Variants in NFIA observed in about 807,000 individuals in gnomAD.
NFIA encodes the protein nuclear factor I A, also known as nuclear factor 1 A-type.
Under a neutral mutation model 62.8 loss-of-function variants are expected in NFIA, and 8 were observed. The ratio of observed to expected loss-of-function variants is 0.13; its 90% CI spans 0.07 to 0.23. NFIA has a LOEUF of 0.23. NFIA is among the 10% of genes least tolerant of loss of function. NFIA has a pLI of 1.00. For missense variants in NFIA, 410 were observed against 642.1 expected (o/e 0.64, Z 3.91); for synonymous variants, 235 against 238.1 (o/e 0.99, Z 0.12).
intron 2 of NFIA, among the ~76,000 whole-genome samples, chr1:61,093,826 T>C (rs1479642786): frequency 6.6e-6 from 1 of 152,218 alleles, no homozygotes. Context: ...GGATTTTCCT[T>C]GTCTTCTTTT....
At chr1:61,175,390 C>T (rs921086159) in intron 2 of NFIA, among the ~76,000 whole-genome samples, 1 of 152,282 alleles carries the variant, frequency 6.6e-6, no homozygotes, top group Admixed American at 6.5e-5. Flanking sequence ...GATCCACCTG[C>T]CTTGGCTTCC....
intron 2 of NFIA, among the ~76,000 whole-genome samples, chr1:61,149,451 G>C (rs923051554): frequency 8.5e-5 from 13 of 152,268 alleles, no homozygotes; most frequent in Admixed American, 2.6e-4. Flanking sequence ...TTGCTTTAGT[G>C]ATATAAGATT....
At chr1:61,151,501 TGAG>T (rs961336064) in intron 2 of NFIA, among the ~76,000 whole-genome samples, 15 of 152,138 alleles carry the variant, frequency 9.9e-5, no homozygotes, top group African/African-American at 3.6e-4. Context: ...AGGGGCTGGT[TGAG>T]GAGGTCAGAG....
intron 9 of NFIA, among the ~76,000 whole-genome samples, chr1:61,423,357 T>C (rs1406366272): frequency 6.6e-6 from 1 of 152,184 alleles, no homozygotes; most frequent in African/African-American, 2.4e-5. Context: ...GGTAGCCAAG[T>C]TGGTTTCCCT....
chr1:61,323,874 A>G (rs1260159069), intron 3 of NFIA, among the ~76,000 whole-genome samples: 1 of 152,192 alleles, frequency 6.6e-6, no homozygotes, highest in African/African-American at 2.4e-5. Context: ...CCTGTGGACA[A>G]TGTGAGATAA....
At chr1:61,428,362 G>A (rs1453841203) in intron 10 of NFIA, among the ~76,000 whole-genome samples, 1 of 148,714 alleles carries the variant, frequency 6.7e-6, no homozygotes, top group Non-Finnish European at 1.5e-5. Context: ...TGTAGGCCCA[G>A]TATTGGCATC....
At chr1:61,123,357 AT>A (rs1646919300) in intron 2 of NFIA, among the ~76,000 whole-genome samples, 2 of 152,176 alleles carry the variant, frequency 1.3e-5, no homozygotes, top group Non-Finnish European at 2.9e-5. Context: ...TCGTTTGTAT[AT>A]TTTGTATTGA....
intron 3 of NFIA, among the ~76,000 whole-genome samples, chr1:61,312,514 T>G (rs1163551552): frequency 2.1e-5 from 3 of 140,426 alleles, no homozygotes; most frequent in Non-Finnish European, 4.6e-5. Context: ...AAATTAAGAC[T>G]TTTTTTTTTT....
intron 2 of NFIA, among the ~76,000 whole-genome samples, chr1:61,274,264 G>C (rs1371428562): frequency 6.6e-6 from 1 of 152,050 alleles, no homozygotes; most frequent in African/African-American, 2.4e-5. Context: ...GTCTATTTTA[G>C]GTTTAAATTT....
At chr1:61,322,529 T>G (rs1660727911) in intron 3 of NFIA, among the ~76,000 whole-genome samples, 1 of 152,020 alleles carries the variant, frequency 6.6e-6, no homozygotes. Flanking sequence ...GAGACAATGT[T>G]CAGGGCAAGA....
chr1:61,359,309 A>T lies in NFIA; in HGVS notation c.946+35A>T, dbSNP rs369239564. On this transcript the variant is annotated intron_variant, in intron 6 of 10. Coordinates refer to ENST00000403491, the MANE Select transcript of NFIA (RefSeq NM_001134673.4). ...GTGGCGGCACGGGCATGTGGCTAAC[A>T]CTGTGAAACTGAAAATACGTGTGGG... is the stretch of plus-strand genomic sequence containing the variant. 414 of 1,611,482 alleles carry T rather than the reference A, an allele frequency of 2.6e-4. 2 individuals carry two copies. Among genetic ancestry groups the T allele is most frequent in the Middle Eastern group, 2.0e-3 (9 of 4,454 alleles).
chr1:61,142,665 T>C (rs1557594687), intron 2 of NFIA, among the ~76,000 whole-genome samples: 1 of 152,348 alleles, frequency 6.6e-6, no homozygotes, highest in East Asian at 1.9e-4. Flanking sequence ...ATTTTAGTTT[T>C]CTTAACGGTA....
At chr1:61,433,309 C>T (rs942134734) in intron 10 of NFIA, among the ~76,000 whole-genome samples, 7 of 152,192 alleles carry the variant, frequency 4.6e-5, no homozygotes, top group African/African-American at 1.7e-4. Context: ...TGATATTAGT[C>T]TGCATCTGTG....
chr1:61,437,205 C>T (rs1247476352), intron 10 of NFIA, among the ~76,000 whole-genome samples: 1 of 152,144 alleles, frequency 6.6e-6, no homozygotes, highest in African/African-American at 2.4e-5. Context: ...GGCCAGCCCT[C>T]ATGACATACA....
At chr1:61,270,490 G>A (rs1483468118) in intron 2 of NFIA, among the ~76,000 whole-genome samples, 2 of 152,140 alleles carry the variant, frequency 1.3e-5, no homozygotes, top group East Asian at 3.8e-4. Context: ...ATAAAAGTTT[G>A]TGCAGACATC....
chr1:61,359,642 A>G (rs749907195), intron 6 of NFIA, among the ~76,000 whole-genome samples: 4 of 152,076 alleles, frequency 2.6e-5, no homozygotes, highest in Non-Finnish European at 5.9e-5. Flanking sequence ...GTACAGTGGC[A>G]TGATCTTGGC....
chr1:61,087,726 G>A (rs543845919), intron 1 of NFIA, among the ~76,000 whole-genome samples: 45 of 152,214 alleles, frequency 3.0e-4, no homozygotes, highest in African/African-American at 1.1e-3. Context: ...CCAATCTGGC[G>A]GCTGGGCCCT....
intron 6 of NFIA, among the ~76,000 whole-genome samples, chr1:61,362,865 A>G (rs774979929): frequency 9.9e-5 from 15 of 152,244 alleles, no homozygotes; most frequent in Non-Finnish European, 1.3e-4. Flanking sequence ...ATGAAATTCT[A>G]TCAAGCACAA....
intron 2 of NFIA, among the ~76,000 whole-genome samples, chr1:61,180,888 C>T (rs1010887499): frequency 6.6e-6 from 1 of 152,180 alleles, no homozygotes; most frequent in African/African-American, 2.4e-5. Flanking sequence ...CACTATAGTA[C>T]AGGATTTAGA....
Sources: allele counts gnomAD v4.1 joint callset (sites outside exome capture counted in the v4.1 genomes callset), GRCh38; gene constraint gnomAD v4.1.1; transcripts MANE v1.5; gene names NCBI Gene and HGNC (gene_info 2026-07-23, HGNC 2026-07-21).